APBA1: variants seen among roughly 807,000 people sequenced by gnomAD.
The protein encoded by APBA1 is amyloid beta precursor protein binding family A member 1.
A neutral mutation model predicts 86.6 loss-of-function variants in APBA1; 55 were observed. The ratio of observed to expected loss-of-function variants is 0.64; its 90% CI spans 0.51 to 0.80. The LOEUF is 0.80. Ranked by LOEUF, APBA1 falls within the 30% of genes least tolerant of loss-of-function variation. The pLI, the probability that APBA1 is intolerant of heterozygous loss-of-function variation, is 0.00. For synonymous variants in APBA1, 511 were observed against 493.9 expected, an observed-to-expected ratio of 1.03 and a Z score of -0.46; for missense variants, 1,090 against 1,183.0, an observed-to-expected ratio of 0.92 and a Z score of 1.15.
chr9:69,542,966 A>G (rs11139245), intron 1 of APBA1, among the ~76,000 whole-genome samples: 57,595 of 152,100 alleles, frequency 0.38, 12,279 homozygotes, highest in Non-Finnish European at 0.47. Context: ...CTTGCAGGAG[A>G]AATCAGCACA....
chr9:69,602,429 G>C (rs921361146), intron 1 of APBA1, among the ~76,000 whole-genome samples: 1 of 151,986 alleles, frequency 6.6e-6, no homozygotes, highest in African/African-American at 2.4e-5. Flanking sequence ...CAATTAGCTG[G>C]GCATGGTGGC....
intron 2 of APBA1, among the ~76,000 whole-genome samples, chr9:69,506,114 C>A (rs928119246): frequency 1.3e-5 from 2 of 151,878 alleles, no homozygotes; most frequent in African/African-American, 4.8e-5. Context: ...GCGAGAGCGA[C>A]ACAGAAGAAG....
chr9:69,585,938 C>T lies in APBA1; in HGVS notation c.-69-68659G>A, dbSNP rs114593621. The stretch of plus-strand genomic sequence containing the variant: ...CTCTGCGACCTGCTGGCAACCTGTC[C>T]TGGCATTTTTAAGTTGAGCCTTATT... On this transcript the variant is annotated intron_variant, in intron 1 of 12. Transcript: ENST00000265381. Among the ~76,000 whole-genome samples, 1,217 of 152,232 alleles carry T rather than the reference C, an allele frequency of 8.0e-3. 15 individuals carry two copies. Among genetic ancestry groups the T allele is most frequent in the African/African-American group, 0.028 (1,150 of 41,540 alleles).
At chr9:69,586,092 C>T (rs1296870046) in intron 1 of APBA1, among the ~76,000 whole-genome samples, 1 of 152,164 alleles carries the variant, frequency 6.6e-6, no homozygotes, top group Non-Finnish European at 1.5e-5. Context: ...TGCAGCTGCT[C>T]AACAGGATTT....
chr9:69,443,787 G>C (rs749570099), intron 10 of APBA1, among the ~76,000 whole-genome samples: 1 of 152,048 alleles, frequency 6.6e-6, no homozygotes, highest in African/African-American at 2.4e-5. Flanking sequence ...CATTCAAAAC[G>C]CACAGTATTT....
intron 1 of APBA1, among the ~76,000 whole-genome samples, chr9:69,644,415 T>C (rs1051494226): frequency 7.9e-5 from 12 of 152,216 alleles, no homozygotes; most frequent in Non-Finnish European, 1.8e-4. Context: ...ACTCTTTCAA[T>C]GTTGACACTA....
chr9:69,530,133 G>A (rs965674349), intron 1 of APBA1, among the ~76,000 whole-genome samples: 2 of 151,954 alleles, frequency 1.3e-5, no homozygotes, highest in African/African-American at 4.8e-5. Flanking sequence ...ACTACCATTT[G>A]ACCCAGCAAT....
At chr9:69,541,287 C>T (rs1460725144) in intron 1 of APBA1, among the ~76,000 whole-genome samples, 3 of 127,140 alleles carry the variant, frequency 2.4e-5, no homozygotes, top group African/African-American at 5.8e-5. Flanking sequence ...ATCAGCCGAA[C>T]CATTTCACAT....
chr9:69,474,730 G>A (rs1444832280), intron 3 of APBA1, among the ~76,000 whole-genome samples: 3 of 152,066 alleles, frequency 2.0e-5, no homozygotes, highest in African/African-American at 7.2e-5. Flanking sequence ...TTTCAGAGAA[G>A]GTCTATGTTT....
intron 1 of APBA1, among the ~76,000 whole-genome samples, chr9:69,596,612 T>C (rs1271289296): frequency 6.6e-6 from 1 of 152,168 alleles, no homozygotes; most frequent in Non-Finnish European, 1.5e-5. Context: ...GAAAGAAGGG[T>C]GCACATCATC....
At chr9:69,588,025 CAAAAA>C (rs35212894) in intron 1 of APBA1, among the ~76,000 whole-genome samples, 3 of 106,640 alleles carry the variant, frequency 2.8e-5, no homozygotes, top group Admixed American at 1.1e-4. Flanking sequence ...GACTCTGTCT[CAAAAA>C]AAAAAAAAAA....
chr9:69,602,714 T>C (rs1822378215), intron 1 of APBA1, among the ~76,000 whole-genome samples: 1 of 152,164 alleles, frequency 6.6e-6, no homozygotes, highest in Non-Finnish European at 1.5e-5. Flanking sequence ...TTTGAGCACC[T>C]ACTTGGCACC....
intron 1 of APBA1, among the ~76,000 whole-genome samples, chr9:69,538,581 T>C (rs7872660): frequency 0.81 from 123,854 of 152,138 alleles, 50,523 homozygotes; most frequent in East Asian, 0.91. Flanking sequence ...ATCAGTGGTT[T>C]GTGTTACTCA....
At chr9:69,489,680 T>A (rs1201663678) in intron 2 of APBA1, among the ~76,000 whole-genome samples, 1 of 151,716 alleles carries the variant, frequency 6.6e-6, no homozygotes, top group Non-Finnish European at 1.5e-5. Context: ...GAACAGACAC[T>A]TCTCAAATGA....
chr9:69,656,931 C>A (rs963920156), intron 1 of APBA1, among the ~76,000 whole-genome samples: 1 of 151,662 alleles, frequency 6.6e-6, no homozygotes, highest in Admixed American at 6.6e-5. Flanking sequence ...CTGCAAGCTC[C>A]GCTTCCCGGG....
intron 1 of APBA1, among the ~76,000 whole-genome samples, chr9:69,629,189 TCTC>T (rs762351827): frequency 6.6e-6 from 1 of 152,170 alleles, no homozygotes; most frequent in East Asian, 1.9e-4. Flanking sequence ...CCATCAATCT[TCTC>T]CTTAATTTAT....
At chr9:69,610,546 T>C (rs1302460751) in intron 1 of APBA1, among the ~76,000 whole-genome samples, 1 of 152,108 alleles carries the variant, frequency 6.6e-6, no homozygotes, top group Non-Finnish European at 1.5e-5. Context: ...CTGATTTTGG[T>C]TTTGTTTTGG....
chr9:69,510,702 T>C (rs1183808984), intron 2 of APBA1, among the ~76,000 whole-genome samples: 2 of 144,242 alleles, frequency 1.4e-5, no homozygotes, highest in Non-Finnish European at 3.0e-5. Flanking sequence ...CACAACAGCA[T>C]GGTACTGGTA....
chr9:69,612,360 T>C (rs980786504), intron 1 of APBA1, among the ~76,000 whole-genome samples: 1 of 152,030 alleles, frequency 6.6e-6, no homozygotes, highest in Admixed American at 6.6e-5. Flanking sequence ...AATGAACTTT[T>C]CCTGTGATCT....
Sources: allele counts gnomAD v4.1 joint callset (sites outside exome capture counted in the v4.1 genomes callset), GRCh38; gene constraint gnomAD v4.1.1; transcripts MANE v1.5; gene names NCBI Gene and HGNC (gene_info 2026-07-23, HGNC 2026-07-21).